Variants in XKR4 observed in about 807,000 individuals in gnomAD.
The protein encoded by XKR4 is XK related 4.
Under a neutral mutation model 53.9 loss-of-function variants are expected in XKR4, and 12 were observed. That is an observed-to-expected ratio of 0.22 (90% CI 0.14 to 0.36). The LOEUF is 0.36. Ranked by LOEUF, XKR4 falls within the 10% of genes least tolerant of loss-of-function variation. The probability of loss-of-function intolerance (pLI) is 1.00; values close to 1 mark genes in which losing one functional copy is unlikely to be tolerated. For synonymous variants in XKR4, 354 were observed against 362.4 expected (o/e 0.98, Z 0.26); for missense variants, 799 against 859.5 (o/e 0.93, Z 0.88).
intron 2 of XKR4, chr8:55,451,230 G>A (rs1011072917): frequency 7.0e-6 from 4 of 567,918 alleles, no homozygotes; most frequent in Non-Finnish European, 1.3e-5. Context: ...GCCCACATTG[G>A]CACCAAGCCC....
At chr8:55,304,218 C>T (rs1182399983) in intron 1 of XKR4, among the ~76,000 whole-genome samples, 1 of 152,160 alleles carries the variant, frequency 6.6e-6, no homozygotes, top group Non-Finnish European at 1.5e-5. Flanking sequence ...TCATTGGTTT[C>T]AAAGAACATC....
intron 2 of XKR4, among the ~76,000 whole-genome samples, chr8:55,405,855 A>G (rs892157972): frequency 4.6e-5 from 7 of 152,154 alleles, no homozygotes; most frequent in Non-Finnish European, 8.8e-5. Flanking sequence ...AATGTGTGTG[A>G]TGGAAATAGG....
intron 2 of XKR4, among the ~76,000 whole-genome samples, chr8:55,430,009 A>G (rs929329624): frequency 6.6e-6 from 1 of 152,224 alleles, no homozygotes; most frequent in Non-Finnish European, 1.5e-5. Context: ...CAAAGAGGAT[A>G]TATAGATTGC....
chr8:55,194,039 C>T (rs1817475887), intron 1 of XKR4, among the ~76,000 whole-genome samples: 2 of 152,218 alleles, frequency 1.3e-5, no homozygotes, highest in Non-Finnish European at 2.9e-5. Flanking sequence ...CTGGGTCCCC[C>T]TCCTGTCCAC....
In XKR4 at chr8:55,365,638, C is replaced by T. The variant is rs867398604; in HGVS notation, c.1006+7761C>T. Among the ~76,000 whole-genome samples, 4 of 130,064 alleles carry T rather than the reference C, an allele frequency of 3.1e-5. No homozygotes were observed. The South Asian group carries it at 7.8e-4, about 25-fold the overall frequency. The allele number at this position is 130,064 out of a possible 152,430, so 85.3% of individuals were successfully genotyped here. Reference sequence around the variant, plus strand: ...AGGAGAATCGCTTGAACCCGGGAGGCGGAGGTTGCGGTGGGCCGAGATCAC... The same window carrying T: ...AGGAGAATCGCTTGAACCCGGGAGGTGGAGGTTGCGGTGGGCCGAGATCAC... On this transcript the variant is annotated intron_variant, in intron 2 of 2. Coordinates refer to ENST00000327381, the MANE Select transcript of XKR4 (RefSeq NM_052898.2).
chr8:55,373,813 A>AT (rs111446901), intron 2 of XKR4, among the ~76,000 whole-genome samples: 246 of 148,354 alleles, frequency 1.7e-3, no homozygotes, highest in South Asian at 2.3e-3. Context: ...AGTAAGTTTT[A>AT]TTTTTTTTTT....
At chr8:55,509,173 G>A (rs1435301314) in intron 2 of XKR4, among the ~76,000 whole-genome samples, 1 of 152,126 alleles carries the variant, frequency 6.6e-6, no homozygotes, top group African/African-American at 2.4e-5. Flanking sequence ...TGTTGAATAC[G>A]TAGCACTGCT....
At chr8:55,244,527 T>A (rs1367797555) in intron 1 of XKR4, among the ~76,000 whole-genome samples, 1 of 152,248 alleles carries the variant, frequency 6.6e-6, no homozygotes, top group Admixed American at 6.5e-5. Flanking sequence ...GTGATGAACA[T>A]ACATGTGCAT....
intron 1 of XKR4, among the ~76,000 whole-genome samples, chr8:55,340,734 T>A (rs1803532780): frequency 6.6e-6 from 1 of 152,118 alleles, no homozygotes; most frequent in African/African-American, 2.4e-5. Context: ...GGGACAAGAG[T>A]CACTGTGGTA....
At chr8:55,252,808 G>A (rs1461644509) in intron 1 of XKR4, among the ~76,000 whole-genome samples, 2 of 152,204 alleles carry the variant, frequency 1.3e-5, no homozygotes, top group Non-Finnish European at 2.9e-5. Context: ...CTGGGACTTA[G>A]CTTGATTCTT....
chr8:55,142,422 T>A lies in XKR4; in HGVS notation c.806+39128T>A, dbSNP rs1473365128. On this transcript the variant is annotated intron_variant, in intron 1 of 2. Transcript: ENST00000327381. ...CTTAAGTTGTCTGTGGCCCACTTGA[T>A]CCTCCCAGGTCCTCCTGAAAAGCAG... The A allele has an allele frequency of 1.8e-5, 4 of 217,340 alleles. No homozygotes were observed. In the Admixed American group the frequency reaches 1.9e-4, roughly 11 times the overall value. 13.5% of individuals were successfully genotyped at this position (217,340 alleles called of 1,614,324 possible). A position where few individuals can be genotyped will look rare whatever the true frequency, so the allele number is the denominator to read the frequency against.
At chr8:55,403,157 A>C (rs1708153202) in intron 2 of XKR4, among the ~76,000 whole-genome samples, 1 of 152,222 alleles carries the variant, frequency 6.6e-6, no homozygotes, top group African/African-American at 2.4e-5. Context: ...CAACTTTATC[A>C]GTAATTAAAC....
chr8:55,355,759 T>G (rs1803789229), intron 1 of XKR4, among the ~76,000 whole-genome samples: 2 of 152,206 alleles, frequency 1.3e-5, no homozygotes, highest in African/African-American at 4.8e-5. Context: ...GGGCCTTGCA[T>G]GGAATATGCA....
chr8:55,403,780 C>T (rs2658918), intron 2 of XKR4, among the ~76,000 whole-genome samples: 69,783 of 152,076 alleles, frequency 0.46, 18,317 homozygotes, highest in Non-Finnish European at 0.59. Context: ...TCTTTTCCTC[C>T]CTCTCTCCCT....
At position 55,161,266 on chromosome 8, in the gene XKR4, T is replaced by C. The variant is rs115315135; in HGVS notation, c.806+57972T>C. Among the ~76,000 whole-genome samples the C allele has an allele frequency of 8.0e-3, 1,215 of 152,344 alleles. 16 individuals are homozygous for C. Among genetic ancestry groups the C allele is most frequent in the African/African-American group, 0.027 (1,106 of 41,562 alleles). On this transcript the variant is annotated intron_variant, in intron 1 of 2. Transcript: ENST00000327381. ...TAAAACCGGAAGCTCTCCTTTCTGCTTTAACAGACACAGTTATTTCACTCG... is the reference window on the plus strand; with the variant it reads ...TAAAACCGGAAGCTCTCCTTTCTGCCTTAACAGACACAGTTATTTCACTCG...
chr8:55,170,960 A>G (rs1157042931), intron 1 of XKR4, among the ~76,000 whole-genome samples: 1 of 152,066 alleles, frequency 6.6e-6, no homozygotes, highest in Non-Finnish European at 1.5e-5. Flanking sequence ...TCCTGTCAGT[A>G]TTATCTGATA....
intron 2 of XKR4, among the ~76,000 whole-genome samples, chr8:55,441,049 G>A (rs73591669): frequency 0.013 from 1,666 of 128,102 alleles, 30 homozygotes; most frequent in African/African-American, 0.04. Context: ...ACAACACAAT[G>A]ACACCTCATC....
intron 2 of XKR4, among the ~76,000 whole-genome samples, chr8:55,439,520 G>A (rs1585573427): frequency 6.6e-6 from 1 of 152,078 alleles, no homozygotes; most frequent in Non-Finnish European, 1.5e-5. Flanking sequence ...AAGAATAAGA[G>A]GCAATCAGGT....
chr8:55,251,383 T>C (rs187421068), intron 1 of XKR4, among the ~76,000 whole-genome samples: 40 of 152,336 alleles, frequency 2.6e-4, no homozygotes, highest in Admixed American at 1.4e-3. Context: ...TTAGAGGAGT[T>C]GCTGAATTTC....
Sources: allele counts gnomAD v4.1 joint callset (sites outside exome capture counted in the v4.1 genomes callset), GRCh38; gene constraint gnomAD v4.1.1; transcripts MANE v1.5; gene names NCBI Gene and HGNC (gene_info 2026-07-23, HGNC 2026-07-21).